HAUS8: variants seen among roughly 807,000 people sequenced by gnomAD.
The protein encoded by HAUS8 is HAUS augmin-like complex subunit 8.
Under a neutral mutation model 42.9 loss-of-function variants are expected in HAUS8, and 38 were observed. The observed-to-expected ratio is 0.89, with a 90% CI of 0.68 to 1.16. The LOEUF (loss-of-function observed/expected upper bound fraction) is 1.16. Among genes scored for constraint, HAUS8 ranks in the 50% most tolerant of loss-of-function variants. The pLI is 0.00. For synonymous variants in HAUS8, 199 were observed against 205.8 expected (o/e 0.97, Z 0.28); for missense variants, 494 against 511.6 (o/e 0.97, Z 0.33).
chr19:17,056,309 G>T (rs1436014632), intron 8 of HAUS8, among the ~76,000 whole-genome samples: 1 of 152,112 alleles, frequency 6.6e-6, no homozygotes, highest in African/African-American at 2.4e-5. Flanking sequence ...GGCCATCCCC[G>T]GCATGGCCCA....
chr19:17,059,569 C>G lies in HAUS8; in HGVS notation c.408G>C (p.Arg136=), dbSNP rs1475831813. Residue 136 remains arginine (R), a synonymous_variant, in exon 6 of 11, where the codon CGG becomes CGC. Coordinates refer to ENST00000253669, the MANE Select transcript of HAUS8 (RefSeq NM_033417.2). ...KPESTSFSAP[R]KKSPDLSEAM... is the part of the protein sequence containing the mutation. ...TTCAGACACTTACCGGGCTCTTTTTCCGAGGGGCAGAAAATGATGTTGACT... is the reference window on the plus strand; with the variant it reads ...TTCAGACACTTACCGGGCTCTTTTTGCGAGGGGCAGAAAATGATGTTGACT... 4 of 1,613,038 alleles carry G rather than the reference C, an allele frequency of 2.5e-6. No homozygotes were observed. Among genetic ancestry groups the G allele is most frequent in the Non-Finnish European group, 3.4e-6 (4 of 1,179,416 alleles).
chr19:17,062,546 C>T (rs1159528637), intron 4 of HAUS8, 152 bp downstream of exon 4: 4 of 631,528 alleles, frequency 6.3e-6, no homozygotes, highest in Middle Eastern at 2.6e-4. Flanking sequence ...CACCTCCCCA[C>T]ATCCCCCCAG....
chr19:17,069,715 G>C (rs60963628), intron 2 of HAUS8, among the ~76,000 whole-genome samples: 1,936 of 152,010 alleles, frequency 0.013, 48 homozygotes, highest in African/African-American at 0.045. Context: ...ACTGGATCCG[G>C]TTAGTCCCAT....
intron 10 of HAUS8, 85 bp from the exon 11 acceptor site, chr19:17,050,261 G>C (rs954456617): frequency 1.7e-5 from 18 of 1,081,690 alleles, no homozygotes; most frequent in South Asian, 2.5e-5. Flanking sequence ...TGCCACACGG[G>C]GAGGCGGATT....
chr19:17,052,842 C>T lies in HAUS8; in HGVS notation c.912G>A (p.Lys304=), dbSNP rs2057295760. Residue 304 remains lysine (K), a synonymous_variant, in exon 10 of 11, where the codon AAG becomes AAA. Coordinates refer to ENST00000253669, the MANE Select transcript of HAUS8 (RefSeq NM_033417.2). Reference sequence around the variant, plus strand: ...CGAGGTACCTTCGGAGCTCAAGGTCCTTTTTCGCCGTCACGTCCTTGAGTT... The same window carrying T: ...CGAGGTACCTTCGGAGCTCAAGGTCTTTTTTCGCCGTCACGTCCTTGAGTT... ...LSELKDVTAK[K]DLELRRSFAQ... 6.2e-7 allele frequency: 1 copy of T among 1,614,006 alleles called. No homozygotes were observed. The highest frequency in any genetic ancestry group is 1.3e-5 in the African/African-American group (1 of 74,902).
chr19:17,062,813 G>C, intron 3 of HAUS8, 34 bp from the exon 4 acceptor site: 1 of 1,522,426 alleles, frequency 6.6e-7, no homozygotes. Context: ...CAGAGGACAA[G>C]ACATCCTCCC....
rs2057443800 is a variant in HAUS8 at position 17,073,836 on chromosome 19, C to CCAGCCAGGG, written c.30-502_30-501insCCCTGGCTG. ...TGGCTAACATGGTGAAACCCCATCT[C>CCAGCCAGGG]TACTAAAAATACAAAAATGAGCTGG... On this transcript the variant is annotated intron_variant, in intron 1 of 10. Coordinates refer to ENST00000253669, the MANE Select transcript of HAUS8 (RefSeq NM_033417.2). 1.8e-5 allele frequency: 3 copies of CCAGCCAGGG among 164,830 alleles called. No individual in the cohort carries two copies. In the East Asian group the frequency reaches 5.2e-4, roughly 29 times the overall value. The allele number at this position is 164,830 out of a possible 1,614,324, so 10.2% of individuals were successfully genotyped here. A position where few individuals can be genotyped will look rare whatever the true frequency, so the allele number is the denominator to read the frequency against.
chr19:17,055,339 CAAAAAAAA>C (rs11315045), intron 9 of HAUS8, among the ~76,000 whole-genome samples: 1 of 49,494 alleles, frequency 2.0e-5, no homozygotes. Flanking sequence ...GATGCTGTCT[CAAAAAAAA>C]AAAAAAAAAA....
At chr19:17,074,105 G>A (rs2057447706) in intron 1 of HAUS8, 1 of 152,328 alleles carries the variant, frequency 6.6e-6, no homozygotes, top group Admixed American at 6.5e-5. Flanking sequence ...CATCAGCTGT[G>A]GGGGTGCAGG....
chr19:17,058,735 C>T, intron 7 of HAUS8, 28 bp from the exon 8 acceptor site: 1 of 1,602,934 alleles, frequency 6.2e-7, no homozygotes, highest in Non-Finnish European at 8.5e-7. Flanking sequence ...AAAGCTCAAG[C>T]AGGTGGGGAC....
intron 9 of HAUS8, among the ~76,000 whole-genome samples, chr19:17,053,932 G>A (rs1485462851): frequency 6.6e-6 from 1 of 152,070 alleles, no homozygotes; most frequent in Non-Finnish European, 1.5e-5. Context: ...CAAAGTGCTG[G>A]CATAACAAAC....
rs748409699 is a variant in HAUS8 at position 17,073,256 on chromosome 19, G to C, written c.91+18C>G. On this transcript the variant is annotated intron_variant, in intron 2 of 10. Coordinates refer to ENST00000253669, the MANE Select transcript of HAUS8 (RefSeq NM_033417.2). ...AGAAGAAAACCATGTTCCTTAAAGA[G>C]ATCCTGACACTGCTTACCTTGAACT... 9.3e-6 allele frequency: 15 copies of C among 1,606,790 alleles called. No homozygotes were observed. Among genetic ancestry groups the C allele is most frequent in the Non-Finnish European group, 1.3e-5 (15 of 1,173,350 alleles).
At chr19:17,059,840 T>C (rs777963254) in intron 5 of HAUS8, among the ~76,000 whole-genome samples, 157 bp downstream of exon 5, 4 of 152,178 alleles carry the variant, frequency 2.6e-5, no homozygotes, top group Non-Finnish European at 5.9e-5. Flanking sequence ...TAATACCCTT[T>C]ACCAAGGTAT....
chr19:17,058,648 A>G lies in HAUS8; in HGVS notation c.546T>C (p.Cys182=), dbSNP rs750982983. ...RRAEKNLLIM[C]KEKEKLQKKA... is the part of the protein sequence containing the mutation. ...TTTTCTGTAGCTTCTCCTTCTCCTT[A>G]CACATTATTAATAAATTCTTTTCTG... Residue 182 remains cysteine (C), a synonymous_variant, in exon 8 of 11, where the codon TGT becomes TGC. Coordinates refer to ENST00000253669, the MANE Select transcript of HAUS8 (RefSeq NM_033417.2). 1 of 1,613,324 alleles carries G rather than the reference A, an allele frequency of 6.2e-7. No homozygotes were observed. Among genetic ancestry groups the G allele is most frequent in the Non-Finnish European group, 8.5e-7 (1 of 1,179,778 alleles).
intron 4 of HAUS8, among the ~76,000 whole-genome samples, chr19:17,061,370 C>T (rs1226096389): frequency 3.9e-5 from 6 of 152,098 alleles, no homozygotes; most frequent in African/African-American, 1.4e-4. Context: ...CTCCTGGGCT[C>T]AAGGGATCTA....
chr19:17,065,555 C>T (rs1481418160), intron 3 of HAUS8, among the ~76,000 whole-genome samples: 2 of 152,072 alleles, frequency 1.3e-5, no homozygotes, highest in East Asian at 1.9e-4. Flanking sequence ...AGGAGCTGGG[C>T]GTGGTGGCTC....
chr19:17,058,654 T>C lies in HAUS8; in HGVS notation c.540A>G (p.Ile180Met), dbSNP rs1357754437. 2 of 1,613,064 alleles carry C rather than the reference T, an allele frequency of 1.2e-6. No homozygotes were observed. The highest frequency in any genetic ancestry group is 3.4e-5 in the Admixed American group (2 of 59,686). The change falls in exon 8 of 11, where the codon ATA becomes ATG. Residue 180 changes from isoleucine to methionine, a missense_variant. By Grantham distance (10) the Ile-to-Met change is conservative. Coordinates refer to ENST00000253669, the MANE Select transcript of HAUS8 (RefSeq NM_033417.2). ...FERRAEKNLL[I>M]MCKEKEKLQK... Reference sequence around the variant, plus strand: ...GTAGCTTCTCCTTCTCCTTACACATTATTAATAAATTCTTTTCTGCCCTTC... The same window carrying C: ...GTAGCTTCTCCTTCTCCTTACACATCATTAATAAATTCTTTTCTGCCCTTC...
Position 17,052,817 on chromosome 19 carries a change from C to T in HAUS8, c.929+8G>A, listed in dbSNP as rs748207910. 1.8e-5 allele frequency: 29 copies of T among 1,613,998 alleles called. No homozygotes were observed. The highest frequency in any genetic ancestry group is 3.3e-5 in the Admixed American group (2 of 59,988). ...GCCACCTCTTTCTTAAAGCATTTTCCGAGGTACCTTCGGAGCTCAAGGTCC... is the reference window on the plus strand; with the variant it reads ...GCCACCTCTTTCTTAAAGCATTTTCTGAGGTACCTTCGGAGCTCAAGGTCC... On this transcript the variant is annotated splice_region_variant and intron_variant, in intron 10 of 10. Transcript: ENST00000253669.
At chr19:17,056,538 C>A (rs951880679) in intron 8 of HAUS8, among the ~76,000 whole-genome samples, 2 of 151,908 alleles carry the variant, frequency 1.3e-5, no homozygotes, top group Non-Finnish European at 2.9e-5. Context: ...CATCTATATA[C>A]ACACACACAT....
Sources: gnomAD v4.1 joint callset for allele counts (sites outside exome capture counted in the v4.1 genomes callset) on GRCh38, gnomAD v4.1.1 for gene constraint, MANE v1.5 for transcripts, NCBI Gene and HGNC (gene_info 2026-07-23, HGNC 2026-07-21) for gene names.